Variants in CCNT2 observed in about 807,000 individuals in gnomAD.
The protein encoded by CCNT2 is cyclin-T2.
Under a neutral mutation model 70.0 loss-of-function variants are expected in CCNT2, and 18 were observed. The observed-to-expected ratio is 0.26, with a 90% CI of 0.18 to 0.38. The LOEUF (loss-of-function observed/expected upper bound fraction) is 0.38. CCNT2 is among the 10% of genes least tolerant of loss of function. CCNT2 has a pLI of 1.00. For synonymous variants in CCNT2, 334 were observed against 313.3 expected (o/e 1.07, Z -0.70); for missense variants, 734 against 890.2 (o/e 0.82, Z 2.23).
intron 1 of CCNT2, among the ~76,000 whole-genome samples, chr2:134,919,479 A>C (rs1292741017): frequency 6.6e-6 from 1 of 151,686 alleles, no homozygotes; most frequent in Non-Finnish European, 1.5e-5. Flanking sequence ...GGAGTTCTTT[A>C]TGTTCTTGGC....
Position 134,953,946 on chromosome 2 carries a change from C to T in CCNT2, c.1491C>T (p.Asp497=), listed in dbSNP as rs3814355. ...CAAATACTGAAAAATACATGGCAGA[C>T]AAAAAGGAAAAGAGTGGGTCACTGA... is the stretch of plus-strand genomic sequence containing the variant. The part of the protein sequence containing the change: ...PIANTEKYMA[D]KKEKSGSLKL... The change falls in exon 9 of 9, where the codon GAC becomes GAT. Residue 497 remains aspartate (D), a synonymous_variant. Coordinates refer to ENST00000264157, the MANE Select transcript of CCNT2 (RefSeq NM_058241.3). 791,851 of 1,613,248 alleles carry T rather than the reference C, an allele frequency of 0.49. 214,179 individuals carry two copies. The highest frequency in any genetic ancestry group is 0.89 in the Middle Eastern group (5,421 of 6,060).
intron 2 of CCNT2, among the ~76,000 whole-genome samples, chr2:134,920,594 G>A (rs1040304179): frequency 6.6e-6 from 1 of 152,288 alleles, no homozygotes; most frequent in East Asian, 1.9e-4. Flanking sequence ...TGAAAGATAC[G>A]AGTTTGGTGT....
At chr2:134,947,993 A>C in intron 7 of CCNT2, 94 bp downstream of exon 7, 1 of 629,898 alleles carries the variant, frequency 1.6e-6, no homozygotes. Context: ...TATCAGATGA[A>C]CAGAATGAAA....
intron 4 of CCNT2, among the ~76,000 whole-genome samples, chr2:134,941,292 A>G (rs1203528226): frequency 2.0e-5 from 3 of 152,234 alleles, no homozygotes; most frequent in African/African-American, 7.2e-5. Context: ...GGAGACCTTT[A>G]TGATGATCCA....
Position 134,954,186 on chromosome 2 carries a change from C to A in CCNT2, c.1731C>A (p.His577Gln). Residue 577 changes from histidine to glutamine, a missense_variant, in exon 9 of 9, where the codon CAC becomes CAA. His to Gln is a conservative substitution (Grantham distance 24). This residue lies in a region of CCNT2 where 532 missense variants were observed against 556.9 expected (regional missense o/e 0.96). Coordinates refer to ENST00000264157, the MANE Select transcript of CCNT2 (RefSeq NM_058241.3). Reference sequence around the variant, plus strand: ...ACACCAGCAGCCACAAGCATTCCCACTCGCATAGTGGCAGCAGCAGCGGTG... The same window carrying A: ...ACACCAGCAGCCACAAGCATTCCCAATCGCATAGTGGCAGCAGCAGCGGTG... ...RHHTSSHKHS[H>Q]SHSGSSSGGS... is the part of the protein sequence containing the mutation. The A allele has an allele frequency of 1.2e-6, 2 of 1,614,178 alleles. No individual in the cohort carries two copies. Among genetic ancestry groups the A allele is most frequent in the Non-Finnish European group, 1.7e-6 (2 of 1,180,032 alleles).
At chr2:134,938,410 T>C (rs936656494) in intron 3 of CCNT2, among the ~76,000 whole-genome samples, 1 of 152,246 alleles carries the variant, frequency 6.6e-6, no homozygotes, top group African/African-American at 2.4e-5. Flanking sequence ...ATCCTTTATT[T>C]CCAGAGTAAC....
In CCNT2 at chr2:134,918,839, C is replaced by T. The variant is rs45611231; in HGVS notation, c.-16C>T. 1.1e-5 allele frequency: 18 copies of T among 1,606,124 alleles called. No individual in the cohort carries two copies. The highest frequency in any genetic ancestry group is 3.3e-5 in the South Asian group (3 of 90,382). On this transcript the variant is annotated 5_prime_UTR_variant, in exon 1 of 9. Transcript: ENST00000264157. Reference sequence around the variant, plus strand: ...GGCGGGGGGTGAATGAAGGAGCGGGCGGAGGAGGAAGTGTCATGGCGTCGG... The same window carrying T: ...GGCGGGGGGTGAATGAAGGAGCGGGTGGAGGAGGAAGTGTCATGGCGTCGG...
intron 2 of CCNT2, among the ~76,000 whole-genome samples, chr2:134,929,613 CAGAGAGAGAG>C (rs140163816): frequency 5.7e-4 from 67 of 117,676 alleles, no homozygotes; most frequent in Admixed American, 5.1e-3. Flanking sequence ...GTCTCAAAAA[CAGAGAGAGAG>C]AGAGAGAGAG....
chr2:134,952,605 C>A, intron 7 of CCNT2, 36 bp from the exon 8 acceptor site: 2 of 1,287,892 alleles, frequency 1.6e-6, no homozygotes, highest in Non-Finnish European at 1.1e-6. Flanking sequence ...ATCCTAAAGG[C>A]ACCTTCTAAG....
At chr2:134,945,578 T>G in intron 5 of CCNT2, 2 of 985,414 alleles carry the variant, frequency 2.0e-6, no homozygotes, top group Middle Eastern at 1.0e-3. Flanking sequence ...CTAGGTTTAT[T>G]CTCTGTTGAT....
intron 8 of CCNT2, 48 bp downstream of exon 8, chr2:134,952,759 A>G (rs1340230887): frequency 7.8e-7 from 1 of 1,281,160 alleles, no homozygotes; most frequent in African/African-American, 1.5e-5. Flanking sequence ...TTTATGTAAC[A>G]TTTACATAGC....
chr2:134,946,289 C>T, intron 6 of CCNT2, 143 bp downstream of exon 6: 3 of 1,243,812 alleles, frequency 2.4e-6, no homozygotes, highest in South Asian at 1.4e-5. Flanking sequence ...GTTTGCTTTG[C>T]GGTGTATTGT....
chr2:134,954,228 C>T lies in CCNT2; in HGVS notation c.1773C>T (p.Ala591=), dbSNP rs766235307. ...GSSSGGSKHS[A]DGIPPTVLRS... ...GCAGCGGTGGCAGTAAACACAGTGC[C>T]GACGGAATACCACCCACTGTTCTGA... is the stretch of plus-strand genomic sequence containing the variant. The change falls in exon 9 of 9, where the codon GCC becomes GCT. Residue 591 remains alanine, a synonymous_variant. Transcript: ENST00000264157. 18 of 1,613,948 alleles carry T rather than the reference C, an allele frequency of 1.1e-5. No homozygotes were observed. Among genetic ancestry groups the T allele is most frequent in the Non-Finnish European group, 1.4e-5 (17 of 1,180,030 alleles).
chr2:134,928,755 TTCTTCTGTGGCCAAAAA>T (rs1479354988), intron 2 of CCNT2, among the ~76,000 whole-genome samples: 1 of 152,192 alleles, frequency 6.6e-6, no homozygotes, highest in East Asian at 1.9e-4. Context: ...GGAAAGATGT[TTCTTCTGTGGCCAAAAA>T]TCGGAAGATA....
chr2:134,932,394 A>G (rs1283573826), intron 2 of CCNT2, among the ~76,000 whole-genome samples: 2 of 152,094 alleles, frequency 1.3e-5, no homozygotes, highest in Non-Finnish European at 2.9e-5. Context: ...TTTTCAGTAT[A>G]TTGTTTAAGT....
At position 134,959,104 on chromosome 2, in the gene CCNT2, A is replaced by G. The variant is rs910336459; in HGVS notation, c.*4456A>G. The stretch of plus-strand genomic sequence containing the variant: ...AGTGATGAGTACATTCTTAATTTTA[A>G]GGTATGTTTTTTTCAAGCAGCTTCA... On this transcript the variant is annotated 3_prime_UTR_variant, in exon 9 of 9. Coordinates refer to ENST00000264157, the MANE Select transcript of CCNT2 (RefSeq NM_058241.3). The G allele has an allele frequency of 1.3e-5, 2 of 151,718 alleles. No homozygotes were observed. Among genetic ancestry groups the G allele is most frequent in the African/African-American group, 4.8e-5 (2 of 41,334 alleles). The allele number at this position is 151,718 out of a possible 1,614,324, so 9.4% of individuals were successfully genotyped here. A position where few individuals can be genotyped will look rare whatever the true frequency, so the allele number is the denominator to read the frequency against.
At chr2:134,921,820 C>A (rs991163137) in intron 2 of CCNT2, among the ~76,000 whole-genome samples, 2 of 152,114 alleles carry the variant, frequency 1.3e-5, no homozygotes, top group Non-Finnish European at 1.5e-5. Flanking sequence ...ATAAAAAGGC[C>A]AAGGTATTAA....
At chr2:134,925,983 A>G (rs1315227773) in intron 2 of CCNT2, among the ~76,000 whole-genome samples, 2 of 147,872 alleles carry the variant, frequency 1.4e-5, no homozygotes, top group Non-Finnish European at 1.5e-5. Context: ...CCCCCACCTT[A>G]GCCTCCCAAG....
At position 134,918,833 on chromosome 2, in the gene CCNT2, A is replaced by C; in HGVS notation, c.-22A>C. On this transcript the variant is annotated 5_prime_UTR_variant, in exon 1 of 9. Transcript: ENST00000264157. ...AGGAGGGGCGGGGGGTGAATGAAGG[A>C]GCGGGCGGAGGAGGAAGTGTCATGG... is the stretch of plus-strand genomic sequence containing the variant. 6.2e-7 allele frequency: 1 copy of C among 1,603,570 alleles called. No homozygotes were observed. Among genetic ancestry groups the C allele is most frequent in the Admixed American group, 1.7e-5 (1 of 59,344 alleles).
Sources: gnomAD v4.1 joint callset for allele counts (sites outside exome capture counted in the v4.1 genomes callset) on GRCh38, gnomAD v4.1.1 for gene constraint, gnomAD v4.1.1 regional missense constraint, MANE v1.5 for transcripts, NCBI Gene and HGNC (gene_info 2026-07-23, HGNC 2026-07-21) for gene names.